MOSMO: variants seen among roughly 807,000 people sequenced by gnomAD.
The protein encoded by MOSMO is modulator of smoothened protein.
Under a neutral mutation model 18.4 loss-of-function variants are expected in MOSMO, and 5 were observed. The observed-to-expected ratio is 0.27, with a 90% CI of 0.14 to 0.57. The LOEUF (loss-of-function observed/expected upper bound fraction) is 0.57, where lower values mean the gene tolerates loss of function less well. MOSMO is among the 20% of genes least tolerant of loss of function. MOSMO has a pLI of 0.92. For missense variants in MOSMO, 138 were observed against 211.8 expected (o/e 0.65, Z 2.16); for synonymous variants, 82 against 82.3 (o/e 1.00, Z 0.02).
chr16:22,042,796 G>A (rs530927461), intron 1 of MOSMO, among the ~76,000 whole-genome samples: 3 of 152,272 alleles, frequency 2.0e-5, no homozygotes, highest in East Asian at 1.9e-4. Flanking sequence ...AAGAGGGGGC[G>A]AAGCACCTGG....
intron 1 of MOSMO, among the ~76,000 whole-genome samples, chr16:22,010,777 C>G (rs1899508331): frequency 6.6e-6 from 1 of 151,956 alleles, no homozygotes; most frequent in South Asian, 2.1e-4. Flanking sequence ...AGAAGTTAGC[C>G]GGGCGCGGTG....
At chr16:22,043,100 TA>T (rs1266019682) in intron 1 of MOSMO, among the ~76,000 whole-genome samples, 1 of 152,210 alleles carries the variant, frequency 6.6e-6, no homozygotes, top group Non-Finnish European at 1.5e-5. Context: ...AGCAACTTCT[TA>T]CCCTGTAAAG....
chr16:22,044,363 T>C (rs966064593), intron 1 of MOSMO, among the ~76,000 whole-genome samples: 3 of 152,192 alleles, frequency 2.0e-5, no homozygotes, highest in African/African-American at 7.2e-5. Context: ...AGTACTTCTG[T>C]GTGCCAGGGA....
intron 1 of MOSMO, among the ~76,000 whole-genome samples, chr16:22,042,469 A>T (rs748959511): frequency 6.6e-6 from 1 of 152,228 alleles, no homozygotes; most frequent in Non-Finnish European, 1.5e-5. Flanking sequence ...TGTATAAAGT[A>T]TCTAAAAGTT....
intron 1 of MOSMO, among the ~76,000 whole-genome samples, chr16:22,055,221 G>A (rs563704119): frequency 2.6e-5 from 4 of 152,184 alleles, no homozygotes; most frequent in African/African-American, 9.6e-5. Context: ...CATCCGCCTG[G>A]TCACCTTAGT....
In MOSMO at chr16:22,022,109, A is replaced by G. The variant is rs143029294; in HGVS notation, c.106+13702A>G. ...CATTGCAGTTGATTGTTTGCCCACT[A>G]TACAGTTACTGAAGGCAATCTGATG... On this transcript the variant is annotated intron_variant, in intron 1 of 2. Transcript: ENST00000542527. 2.6e-5 allele frequency among the ~76,000 whole-genome samples: 4 copies of G among 152,212 alleles called. No individual in the cohort carries two copies. The East Asian group carries it at 7.7e-4, about 29-fold the overall frequency.
chr16:22,059,345 G>A (rs1356243779), intron 1 of MOSMO, among the ~76,000 whole-genome samples: 2 of 152,236 alleles, frequency 1.3e-5, no homozygotes, highest in East Asian at 1.9e-4. Context: ...TTTTTCATGA[G>A]TTGTTGGGCA....
chr16:22,025,211 A>C (rs1371767498), intron 1 of MOSMO, among the ~76,000 whole-genome samples: 4 of 152,058 alleles, frequency 2.6e-5, no homozygotes, highest in Non-Finnish European at 5.9e-5. Flanking sequence ...TGGGCAACAT[A>C]CCTCAGAGGT....
chr16:22,032,811 G>C (rs1241744835), intron 1 of MOSMO, among the ~76,000 whole-genome samples: 1 of 152,118 alleles, frequency 6.6e-6, no homozygotes. Flanking sequence ...ACCTCCCAAA[G>C]TCTCGGCATT....
intron 1 of MOSMO, among the ~76,000 whole-genome samples, chr16:22,072,635 C>T (rs1411284049): frequency 6.6e-6 from 1 of 152,016 alleles, no homozygotes; most frequent in Non-Finnish European, 1.5e-5. Flanking sequence ...CACGGTGAAA[C>T]CCCGTCTCTA....
intron 1 of MOSMO, among the ~76,000 whole-genome samples, chr16:22,036,628 G>A (rs972214789): frequency 7.9e-5 from 12 of 152,016 alleles, no homozygotes; most frequent in Admixed American, 5.9e-4. Context: ...TTAAATTTTT[G>A]TAGAGACAGC....
chr16:22,078,188 C>G (rs765836561), intron 2 of MOSMO, among the ~76,000 whole-genome samples: 1 of 151,978 alleles, frequency 6.6e-6, no homozygotes, highest in African/African-American at 2.4e-5. Flanking sequence ...TTCTGACTCT[C>G]GCCACCAAGA....
rs1043551934 is a variant in MOSMO, at chr16:22,080,904, T to C, written c.*24T>C. 1 of 1,135,824 alleles carries C rather than the reference T, an allele frequency of 8.8e-7. No homozygotes were observed. Among genetic ancestry groups the C allele is most frequent in the Non-Finnish European group, 1.1e-6 (1 of 874,442 alleles). The allele number at this position is 1,135,824 out of a possible 1,614,324, so 70.4% of individuals were successfully genotyped here. A position where few individuals can be genotyped will look rare whatever the true frequency, so the allele number is the denominator to read the frequency against. Reference sequence around the variant, plus strand: ...GATGAATGTCTAAATTGCTTGACTCTTATTATTTTTTATTTTATTTTATTT... The same window carrying C: ...GATGAATGTCTAAATTGCTTGACTCCTATTATTTTTTATTTTATTTTATTT... On this transcript the variant is annotated 3_prime_UTR_variant, in exon 3 of 3. Coordinates refer to ENST00000542527, the MANE Select transcript of MOSMO (RefSeq NM_001164579.2).
chr16:22,056,589 G>T (rs561945682), intron 1 of MOSMO, among the ~76,000 whole-genome samples: 6 of 151,060 alleles, frequency 4.0e-5, no homozygotes, highest in African/African-American at 1.2e-4. Context: ...TCTCCATGTT[G>T]GTCAGGCTGG....
chr16:22,088,244 G>T (rs893045915), downstream of MOSMO, among the ~76,000 whole-genome samples: 4 of 152,226 alleles, frequency 2.6e-5, no homozygotes, highest in East Asian at 3.9e-4. Flanking sequence ...GTTGACCAGG[G>T]TCGTCTCCCA....
downstream of MOSMO, among the ~76,000 whole-genome samples, chr16:22,090,799 G>A (rs1666277458): frequency 6.6e-6 from 1 of 152,136 alleles, no homozygotes; most frequent in African/African-American, 2.4e-5. Flanking sequence ...AAGAAAGATG[G>A]TACCCACACA....
At chr16:22,034,382 C>T (rs1196163891) in intron 1 of MOSMO, among the ~76,000 whole-genome samples, 1 of 152,158 alleles carries the variant, frequency 6.6e-6, no homozygotes, top group African/African-American at 2.4e-5. Context: ...GTTATCATTT[C>T]TAGCAAGACA....
At chr16:22,058,388 T>C (rs914215339) in intron 1 of MOSMO, among the ~76,000 whole-genome samples, 5 of 148,166 alleles carry the variant, frequency 3.4e-5, no homozygotes, top group Non-Finnish European at 7.4e-5. Context: ...ATCGCGCCAC[T>C]GCTCTCTAGC....
intron 1 of MOSMO, chr16:22,064,376 G>A (rs1256155652): frequency 2.2e-6 from 1 of 456,436 alleles, no homozygotes; most frequent in Admixed American, 2.3e-5. Context: ...TACAAACCAT[G>A]GAGGTTATTC....
Sources: gnomAD v4.1 joint callset for allele counts (sites outside exome capture counted in the v4.1 genomes callset) on GRCh38, gnomAD v4.1.1 for gene constraint, MANE v1.5 for transcripts, NCBI Gene and HGNC (gene_info 2026-07-23, HGNC 2026-07-21) for gene names.